Variants in ATE1 observed in about 807,000 individuals in gnomAD.
ATE1 encodes arginyltransferase 1.
Under a neutral mutation model 70.5 loss-of-function variants are expected in ATE1, and 36 were observed. That is an observed-to-expected ratio of 0.51 (90% CI 0.39 to 0.67). ATE1 has a LOEUF of 0.67. ATE1 is among the 30% of genes least tolerant of loss of function. The probability of loss-of-function intolerance (pLI) is 0.00; values close to 1 mark genes in which losing one functional copy is unlikely to be tolerated. For synonymous variants in ATE1, 232 were observed against 219.3 expected, an observed-to-expected ratio of 1.06 and a Z score of -0.51; for missense variants, 593 against 629.5, an observed-to-expected ratio of 0.94 and a Z score of 0.62.
chr10:121,887,956 G>A (rs992805277), intron 7 of ATE1, among the ~76,000 whole-genome samples: 4 of 152,142 alleles, frequency 2.6e-5, no homozygotes, highest in Non-Finnish European at 4.4e-5. Context: ...AACTACTTCA[G>A]GCAAGGATCA....
rs1944180544 is a variant in ATE1 at position 121,742,478 on chromosome 10, C to A, written c.*1202G>T. ...AGGGGATCAGCTGACAAAGAGGGCA[C>A]AAGAAAATAACCCTCCTGTTTTTCA... On this transcript the variant is annotated 3_prime_UTR_variant, in exon 12 of 12. Coordinates refer to ENST00000224652, the MANE Select transcript of ATE1 (RefSeq NM_001001976.3). 1 of 152,120 alleles carries A rather than the reference C, an allele frequency of 6.6e-6. No homozygotes were observed. The highest frequency in any genetic ancestry group is 6.5e-5 in the Admixed American group (1 of 15,278). 9.4% of individuals were successfully genotyped at this position (152,120 alleles called of 1,614,324 possible).
At chr10:121,866,561 T>G (rs1291456813) in intron 8 of ATE1, among the ~76,000 whole-genome samples, 1 of 152,080 alleles carries the variant, frequency 6.6e-6, no homozygotes, top group Admixed American at 6.5e-5. Context: ...AAAGTATATA[T>G]TTGTGGCCGG....
intron 11 of ATE1, among the ~76,000 whole-genome samples, chr10:121,752,790 A>C (rs1944643262): frequency 1.3e-5 from 2 of 152,172 alleles, no homozygotes. Context: ...ACATAGTGTT[A>C]ACTTTATTAT....
chr10:121,752,122 A>G (rs1944607072), intron 11 of ATE1, among the ~76,000 whole-genome samples: 1 of 149,284 alleles, frequency 6.7e-6, no homozygotes, highest in Non-Finnish European at 1.5e-5. Context: ...GCATGAACCC[A>G]GCAGGCAGAG....
chr10:121,832,222 C>G (rs931616277), intron 10 of ATE1, among the ~76,000 whole-genome samples: 1 of 152,122 alleles, frequency 6.6e-6, no homozygotes, highest in African/African-American at 2.4e-5. Context: ...GGAGTCCTAG[C>G]ACAAATGTAC....
At chr10:121,785,377 C>T (rs918164005) in intron 11 of ATE1, among the ~76,000 whole-genome samples, 1 of 152,090 alleles carries the variant, frequency 6.6e-6, no homozygotes, top group African/African-American at 2.4e-5. Flanking sequence ...CTTAGGTATA[C>T]CCTTTTGAGG....
chr10:121,918,184 T>G (rs1241763660), intron 3 of ATE1, among the ~76,000 whole-genome samples: 2 of 151,984 alleles, frequency 1.3e-5, no homozygotes, highest in African/African-American at 2.4e-5. Flanking sequence ...AATACAAAAA[T>G]TAGCAGGGCA....
At chr10:121,844,325 GCAAA>G (rs1948738083) in intron 8 of ATE1, among the ~76,000 whole-genome samples, 1 of 152,134 alleles carries the variant, frequency 6.6e-6, no homozygotes, top group African/African-American at 2.4e-5. Flanking sequence ...TGTACAAATG[GCAAA>G]CAAACATATG....
In ATE1 at chr10:121,900,004, C is replaced by A; in HGVS notation, c.814-10G>T. ...ATCTCACCACCCTCACCTTCAGAAG[C>A]AGTTAAAAAAACAAGTTTACTAATT... is the stretch of plus-strand genomic sequence containing the variant. On this transcript the variant is annotated splice_polypyrimidine_tract_variant and intron_variant, in intron 6 of 11. Coordinates refer to ENST00000224652, the MANE Select transcript of ATE1 (RefSeq NM_001001976.3). 6.2e-7 allele frequency: 1 copy of A among 1,609,900 alleles called. No individual in the cohort carries two copies. Among genetic ancestry groups the A allele is most frequent in the Non-Finnish European group, 8.5e-7 (1 of 1,178,054 alleles).
Position 121,911,145 on chromosome 10 carries a change from G to A in ATE1, c.344C>T (p.Pro115Leu). The change falls in exon 5 of 12, where the codon CCC becomes CTC. Residue 115 changes from proline (P) to leucine (L), a missense_variant. This residue lies in a region of ATE1 where 467 missense variants were observed against 469.6 expected (regional missense o/e 0.99). Transcript: ENST00000224652. ...AGCATCATCCATTGTGGAATCCATG[G>A]GCTCATCTACAAATCAGAAGAAATT... ...EVPKGSCEDEPMDSTMDDAVA... is the reference protein window; with the variant it reads ...EVPKGSCEDELMDSTMDDAVA... The A allele has an allele frequency of 1.9e-6, 3 of 1,606,084 alleles. No homozygotes were observed. The highest frequency in any genetic ancestry group is 2.5e-6 in the Non-Finnish European group (3 of 1,178,424).
chr10:121,748,932 CA>C (rs1944471534), intron 11 of ATE1, among the ~76,000 whole-genome samples: 2 of 152,128 alleles, frequency 1.3e-5, no homozygotes, highest in African/African-American at 4.8e-5. Context: ...TTTAATACTG[CA>C]AGTAATGTGG....
At position 121,742,861 on chromosome 10, in the gene ATE1, AT is replaced by A. The variant is rs1015156005; in HGVS notation, c.*818del. 2.0e-5 allele frequency: 3 copies of A among 152,382 alleles called. No homozygotes were observed. Among genetic ancestry groups the A allele is most frequent in the African/African-American group, 7.2e-5 (3 of 41,594 alleles). 9.4% of individuals were successfully genotyped at this position (152,382 alleles called of 1,614,324 possible). On this transcript the variant is annotated 3_prime_UTR_variant, in exon 12 of 12. Coordinates refer to ENST00000224652, the MANE Select transcript of ATE1 (RefSeq NM_001001976.3). The stretch of plus-strand genomic sequence containing the variant: ...GTTGTAAGATAAAAAACTAGTGACT[AT>A]TTATTTCCTTTGGATGAGACTTAGA...
Position 121,910,938 on chromosome 10 carries a change from T to C in ATE1, c.551A>G (p.His184Arg). ...AGGAACTGTGTGAACTTTAACTGAA[T>C]GTGACGGTTCACCAGAGCCCAACTT... is the stretch of plus-strand genomic sequence containing the variant. Reference protein sequence around the residue: ...GEKLGSGEPSHSVKVHTVPKP... With the variant: ...GEKLGSGEPSRSVKVHTVPKP... The change falls in exon 5 of 12, where the codon CAT becomes CGT. Residue 184 changes from histidine to arginine, a missense_variant. Physicochemically the swap from His to Arg is conservative, Grantham distance 29 (BLOSUM62 0). Transcript: ENST00000224652. The C allele has an allele frequency of 2.5e-6, 4 of 1,613,860 alleles. No individual in the cohort carries two copies. Among genetic ancestry groups the C allele is most frequent in the African/African-American group, 1.3e-5 (1 of 75,046 alleles).
At position 121,762,894 on chromosome 10, in the gene ATE1, A is replaced by C. The variant is rs555669862; in HGVS notation, c.1379-19036T>G. On this transcript the variant is annotated intron_variant, in intron 11 of 11. Coordinates refer to ENST00000224652, the MANE Select transcript of ATE1 (RefSeq NM_001001976.3). ...ACCAGAAATATTCTGTAGGAACTTA[A>C]CTCTTGTTTATATCAATTAAACCTA... Among the ~76,000 whole-genome samples the C allele has an allele frequency of 1.2e-4, 19 of 152,316 alleles. No individual in the cohort carries two copies. The South Asian group carries it at 2.5e-3, about 20-fold the overall frequency.
intron 5 of ATE1, 23 bp downstream of exon 5, chr10:121,910,883 T>G: frequency 6.2e-7 from 1 of 1,612,780 alleles, no homozygotes; most frequent in Non-Finnish European, 8.5e-7. Context: ...TGAATATGAC[T>G]TGGTATCAAA....
chr10:121,900,322 C>T (rs1950931575), intron 6 of ATE1, among the ~76,000 whole-genome samples: 1 of 152,164 alleles, frequency 6.6e-6, no homozygotes, highest in South Asian at 2.1e-4. Context: ...AAATAAATAC[C>T]CTCTAGTTGT....
At chr10:121,900,594 G>C (rs73364476) in intron 6 of ATE1, among the ~76,000 whole-genome samples, 5 of 152,130 alleles carry the variant, frequency 3.3e-5, no homozygotes, top group Admixed American at 3.3e-4. Context: ...CGCAGTAATG[G>C]CTAACATTTA....
intron 7 of ATE1, among the ~76,000 whole-genome samples, chr10:121,881,993 G>A (rs1950240866): frequency 6.6e-6 from 1 of 151,974 alleles, no homozygotes; most frequent in South Asian, 2.1e-4. Flanking sequence ...ATGGGGTTTT[G>A]CCATGTTGCC....
intron 7 of ATE1, among the ~76,000 whole-genome samples, chr10:121,895,851 A>G (rs11200234): frequency 0.13 from 19,963 of 151,958 alleles, 1,511 homozygotes; most frequent in East Asian, 0.19. Flanking sequence ...CCTGGGAGGC[A>G]AAGCTGCAGT....
Sources: allele counts gnomAD v4.1 joint callset (sites outside exome capture counted in the v4.1 genomes callset), GRCh38; gene constraint gnomAD v4.1.1; regional missense constraint gnomAD v4.1.1; transcripts MANE v1.5; gene names NCBI Gene and HGNC (gene_info 2026-07-23, HGNC 2026-07-21).